The following GREB1L variants were observed in gnomAD, a reference collection of about 807,000 sequenced individuals.
GREB1L encodes GREB1-like protein.
Under a neutral mutation model 200.8 loss-of-function variants are expected in GREB1L, and 17 were observed. The observed-to-expected ratio is 0.08, with a 90% CI of 0.06 to 0.13. The LOEUF (loss-of-function observed/expected upper bound fraction) is 0.13, where lower values mean the gene tolerates loss of function less well. Ranked by LOEUF, GREB1L falls within the 10% of genes least tolerant of loss-of-function variation. The probability of loss-of-function intolerance (pLI) is 1.00; values close to 1 mark genes in which losing one functional copy is unlikely to be tolerated. For synonymous variants in GREB1L, 789 were observed against 893.0 expected (o/e 0.88, Z 2.08); for missense variants, 1,657 against 2,367.7 (o/e 0.70, Z 6.23).
chr18:21,514,088 T>C, intron 28 of GREB1L, 102 bp downstream of exon 28: 1 of 1,185,750 alleles, frequency 8.4e-7, no homozygotes, highest in Non-Finnish European at 1.2e-6. Context: ...GAGACAGCTT[T>C]CCAGAGCAAA....
intron 15 of GREB1L, chr18:21,468,678 C>T (rs761575923): frequency 3.3e-5 from 15 of 456,250 alleles, no homozygotes; most frequent in Middle Eastern, 6.5e-4. Context: ...ATACTGTTAA[C>T]GAAAGATCTC....
chr18:21,319,563 G>T (rs770905504), intron 1 of GREB1L, among the ~76,000 whole-genome samples: 1 of 152,350 alleles, frequency 6.6e-6, no homozygotes, highest in South Asian at 2.1e-4. Context: ...AGAAAAGTTA[G>T]TATGTTTTCC....
chr18:21,438,462 C>T (rs556577526), intron 7 of GREB1L, among the ~76,000 whole-genome samples: 24 of 151,696 alleles, frequency 1.6e-4, no homozygotes, highest in Non-Finnish European at 2.8e-4. Flanking sequence ...GCCAGGAGTT[C>T]GAGACCAGTC....
At chr18:21,245,728 T>C (rs2037586589) in intron 1 of GREB1L, among the ~76,000 whole-genome samples, 1 of 150,726 alleles carries the variant, frequency 6.6e-6, no homozygotes, top group African/African-American at 2.5e-5. Flanking sequence ...TTTTGTTTTG[T>C]TTTGTTTGAG....
intron 1 of GREB1L, among the ~76,000 whole-genome samples, chr18:21,274,928 C>T (rs1300746281): frequency 6.6e-6 from 1 of 151,084 alleles, no homozygotes; most frequent in Non-Finnish European, 1.5e-5. Context: ...TTTAAAATAC[C>T]ACACTTGTAA....
At chr18:21,364,182 C>T (rs1485328179) in intron 1 of GREB1L, among the ~76,000 whole-genome samples, 1 of 151,882 alleles carries the variant, frequency 6.6e-6, no homozygotes, top group East Asian at 1.9e-4. Context: ...CTTTTTGGCA[C>T]TTTTGTAGAG....
chr18:21,449,626 C>G lies in GREB1L; in HGVS notation c.1510C>G (p.Pro504Ala). ...QIGAQCVPVS[P>A]GQLPWLARLI... is the part of the protein sequence containing the mutation. ...AGGTGCTCAGTGTGTCCCTGTGTCA[C>G]CAGGACAACTCCCCTGGCTTGCTAG... Residue 504 changes from proline (P) to alanine (A), a missense_variant, in exon 12 of 33, where the codon CCA becomes GCA. By Grantham distance (27) the Pro-to-Ala change is conservative. Around this residue, in one of 9 missense-constraint regions of GREB1L, gnomAD observed 289 missense variants for 345.1 expected, o/e 0.84. Coordinates refer to ENST00000424526, the MANE Select transcript of GREB1L (RefSeq NM_001142966.3). 2 of 1,551,538 alleles carry G rather than the reference C, an allele frequency of 1.3e-6. No homozygotes were observed. The highest frequency in any genetic ancestry group is 1.7e-6 in the Non-Finnish European group (2 of 1,146,890).
At chr18:21,456,714 G>GT (rs1358448137) in intron 15 of GREB1L, among the ~76,000 whole-genome samples, 3 of 152,080 alleles carry the variant, frequency 2.0e-5, no homozygotes, top group African/African-American at 7.2e-5. Context: ...CGACCTGTAG[G>GT]TGATGAGCTG....
intron 1 of GREB1L, among the ~76,000 whole-genome samples, chr18:21,318,105 C>A (rs1179450691): frequency 1.1e-3 from 100 of 89,592 alleles, no homozygotes; most frequent in South Asian, 1.7e-3. Flanking sequence ...GAGATTCCGT[C>A]AAAAAAAAAA....
At chr18:21,515,897 C>T (rs374147836) in intron 29 of GREB1L, among the ~76,000 whole-genome samples, 1 of 152,162 alleles carries the variant, frequency 6.6e-6, no homozygotes, top group African/African-American at 2.4e-5. Context: ...AACAAGAACT[C>T]AAGACACAAA....
Position 21,269,301 on chromosome 18 carries a change from G to T in GREB1L, c.-120+26908G>T, listed in dbSNP as rs73422027. Among the ~76,000 whole-genome samples the T allele has an allele frequency of 7.5e-3, 1,145 of 152,230 alleles. 19 individuals carry two copies. The highest frequency in any genetic ancestry group is 0.027 in the African/African-American group (1,103 of 41,532). On this transcript the variant is annotated intron_variant, in intron 1 of 32. Coordinates refer to ENST00000424526, the MANE Select transcript of GREB1L (RefSeq NM_001142966.3). Reference sequence around the variant, plus strand: ...CCAGTATAATCACCTATTCATAATGGTAAAGGAGGATATCTTTATTCATTC... The same window carrying T: ...CCAGTATAATCACCTATTCATAATGTTAAAGGAGGATATCTTTATTCATTC...
intron 1 of GREB1L, among the ~76,000 whole-genome samples, chr18:21,336,000 C>T (rs1567941567): frequency 6.6e-6 from 1 of 152,056 alleles, no homozygotes; most frequent in East Asian, 1.9e-4. Flanking sequence ...ATCATTAAAA[C>T]ATTCTTCATT....
chr18:21,478,206 G>GTAC (rs2035784855), intron 17 of GREB1L, among the ~76,000 whole-genome samples: 2 of 152,120 alleles, frequency 1.3e-5, no homozygotes, highest in Non-Finnish European at 2.9e-5. Flanking sequence ...TGTTACTTTA[G>GTAC]ATAACTCCAT....
At chr18:21,412,986 G>A (rs766216464) in intron 7 of GREB1L, among the ~76,000 whole-genome samples, 1 of 152,158 alleles carries the variant, frequency 6.6e-6, no homozygotes, top group Non-Finnish European at 1.5e-5. Context: ...TGTGGTGATT[G>A]TACAGTGGGA....
At chr18:21,251,447 C>T (rs1401473794) in intron 1 of GREB1L, among the ~76,000 whole-genome samples, 1 of 152,130 alleles carries the variant, frequency 6.6e-6, no homozygotes, top group Non-Finnish European at 1.5e-5. Context: ...TAAAAATAAT[C>T]TATAGCATCT....
Position 21,496,605 on chromosome 18 carries a change from G to A in GREB1L, c.3298G>A (p.Glu1100Lys), listed in dbSNP as rs373475570. 6.4e-7 allele frequency: 1 copy of A among 1,551,612 alleles called. No individual in the cohort carries two copies. Among genetic ancestry groups the A allele is most frequent in the Non-Finnish European group, 8.7e-7 (1 of 1,146,998 alleles). Residue 1100 changes from glutamate (E) to lysine (K), a missense_variant, in exon 21 of 33, where the codon GAG (glutamate) becomes AAG (lysine). Transcript: ENST00000424526. The stretch of plus-strand genomic sequence containing the variant: ...CCTGGACCTCAGCGGGAAGGAGCAG[G>A]AGAGAGCTGCTGTCAGTGAGAATGA... ...VALDLSGKEQ[E>K]RAAVSENDSD...
chr18:21,430,565 G>A (rs910455924), intron 7 of GREB1L, among the ~76,000 whole-genome samples: 2 of 142,574 alleles, frequency 1.4e-5, no homozygotes, highest in Admixed American at 7.0e-5. Flanking sequence ...CACTCTTAAG[G>A]TGATTGATTT....
Position 21,520,720 on chromosome 18 carries a change from C to T in GREB1L, c.5505C>T (p.His1835=). 1.3e-6 allele frequency: 2 copies of T among 1,551,608 alleles called. No individual in the cohort carries two copies. Among genetic ancestry groups the T allele is most frequent in the Non-Finnish European group, 1.7e-6 (2 of 1,146,948 alleles). The part of the protein sequence containing the change: ...VAICYISSRP[H]SSNVNCEGVF... ...TATGCTATATCAGCTCCAGACCCCA[C>T]TCCAGCAATGTCAACTGTGAAGGGG... The change falls in exon 32 of 33, where the codon CAC becomes CAT. Residue 1835 remains histidine (H), a synonymous_variant. Transcript: ENST00000424526.
At chr18:21,341,277 G>A (rs2039265510) in intron 1 of GREB1L, among the ~76,000 whole-genome samples, 1 of 152,194 alleles carries the variant, frequency 6.6e-6, no homozygotes, top group South Asian at 2.1e-4. Context: ...TTGTCTTTAT[G>A]ACAAAACTGG....
Sources: allele counts gnomAD v4.1 joint callset (sites outside exome capture counted in the v4.1 genomes callset), GRCh38; gene constraint gnomAD v4.1.1; regional missense constraint gnomAD v4.1.1; transcripts MANE v1.5; gene names NCBI Gene and HGNC (gene_info 2026-07-23, HGNC 2026-07-21).